ST3GAL3: variants seen among roughly 807,000 people sequenced by gnomAD.
ST3GAL3 encodes the protein ST3 beta-galactoside alpha-2,3-sialyltransferase 3.
In ST3GAL3, 21 loss-of-function variants were observed where a neutral mutation model predicts 50.1. That is an observed-to-expected ratio of 0.42 (90% CI 0.30 to 0.60). ST3GAL3 has a LOEUF of 0.60. Ranked by LOEUF, ST3GAL3 falls within the 20% of genes least tolerant of loss-of-function variation. The pLI is 0.19. For missense variants in ST3GAL3, 353 were observed against 489.4 expected (o/e 0.72, Z 2.63); for synonymous variants, 183 against 190.0 (o/e 0.96, Z 0.30).
At chr1:43,833,554 G>A (rs1447951640) in intron 4 of ST3GAL3, among the ~76,000 whole-genome samples, 1 of 152,054 alleles carries the variant, frequency 6.6e-6, no homozygotes, top group African/African-American at 2.4e-5. Context: ...GTAAGTACTA[G>A]TATAATCCCA....
chr1:43,884,879 T>C (rs1161437913), intron 5 of ST3GAL3, among the ~76,000 whole-genome samples: 2 of 152,200 alleles, frequency 1.3e-5, no homozygotes, highest in East Asian at 3.9e-4. Flanking sequence ...CCTCTTTCAG[T>C]TGGGTTGGTA....
intron 1 of ST3GAL3, among the ~76,000 whole-genome samples, chr1:43,715,138 T>C (rs184689335): frequency 2.6e-5 from 4 of 152,334 alleles, no homozygotes; most frequent in East Asian, 3.9e-4. Context: ...ATTTAAAGAA[T>C]GTAGCAGTTG....
chr1:43,878,335 A>G (rs1263159263), intron 5 of ST3GAL3, among the ~76,000 whole-genome samples: 2 of 152,232 alleles, frequency 1.3e-5, no homozygotes, highest in African/African-American at 4.8e-5. Flanking sequence ...AAACACAAGC[A>G]ATAAACAACT....
At chr1:43,747,726 G>A (rs904001528) in intron 2 of ST3GAL3, among the ~76,000 whole-genome samples, 23 of 151,370 alleles carry the variant, frequency 1.5e-4, no homozygotes, top group Non-Finnish European at 1.5e-4. Context: ...GATTACAGGC[G>A]CCCACCACCA....
intron 5 of ST3GAL3, among the ~76,000 whole-genome samples, chr1:43,870,759 G>T (rs966021936): frequency 2.6e-5 from 4 of 152,102 alleles, no homozygotes; most frequent in Non-Finnish European, 4.4e-5. Flanking sequence ...GAAGCTAGGG[G>T]GAGACATGGC....
chr1:43,805,054 A>G (rs968532393), intron 3 of ST3GAL3, among the ~76,000 whole-genome samples: 5 of 152,220 alleles, frequency 3.3e-5, no homozygotes, highest in Non-Finnish European at 7.3e-5. Flanking sequence ...ATGAGAACCC[A>G]AATACATGTA....
At chr1:43,764,762 G>C (rs905358048) in intron 2 of ST3GAL3, among the ~76,000 whole-genome samples, 2 of 152,238 alleles carry the variant, frequency 1.3e-5, no homozygotes, top group Non-Finnish European at 2.9e-5. Flanking sequence ...CCAGGAAGGG[G>C]CATGGCCGTG....
At chr1:43,729,696 T>A (rs766288142) in intron 1 of ST3GAL3, among the ~76,000 whole-genome samples, 6 of 152,218 alleles carry the variant, frequency 3.9e-5, no homozygotes, top group Non-Finnish European at 7.3e-5. Flanking sequence ...TATGGATGCA[T>A]AGTACCTATT....
At chr1:43,729,089 CTT>C (rs71914132) in intron 1 of ST3GAL3, among the ~76,000 whole-genome samples, 37 of 117,432 alleles carry the variant, frequency 3.2e-4, no homozygotes, top group Admixed American at 6.2e-4. Flanking sequence ...AATTATTTTT[CTT>C]TTTTTTTTTT....
At chr1:43,894,777 G>A (rs990220577) in intron 6 of ST3GAL3, among the ~76,000 whole-genome samples, 3 of 151,804 alleles carry the variant, frequency 2.0e-5, no homozygotes, top group African/African-American at 7.3e-5. Context: ...CCATAGGCAC[G>A]CACCACCATG....
chr1:43,914,621 TA>T (rs1332757150), intron 9 of ST3GAL3: 1 of 152,210 alleles, frequency 6.6e-6, no homozygotes, highest in East Asian at 1.9e-4. Flanking sequence ...AAAGAGATAA[TA>T]AAGTAACAGT....
intron 1 of ST3GAL3, among the ~76,000 whole-genome samples, chr1:43,718,159 C>T (rs1297559292): frequency 2.6e-5 from 4 of 151,454 alleles, no homozygotes; most frequent in Admixed American, 2.6e-4. Flanking sequence ...AGGCGTGAAC[C>T]ACCACGCCCG....
At chr1:43,817,770 TCTTCTCCTCCTTCTTCTCCTCCTC>T in intron 4 of ST3GAL3, among the ~76,000 whole-genome samples, 2 of 37,754 alleles carry the variant, frequency 5.3e-5, no homozygotes, top group African/African-American at 1.3e-4. Flanking sequence ...TTCCTCTTCT[TCTTCTCCTCCTTCTTCTCCTCCTC>T]CTTCTCCTCC....
chr1:43,762,802 C>G (rs1691040595), intron 2 of ST3GAL3, among the ~76,000 whole-genome samples: 1 of 152,012 alleles, frequency 6.6e-6, no homozygotes, highest in African/African-American at 2.4e-5. Flanking sequence ...GTGGGTGAGA[C>G]TGCTGGGGAG....
chr1:43,873,933 T>C (rs1429371134), intron 5 of ST3GAL3, among the ~76,000 whole-genome samples: 2 of 152,074 alleles, frequency 1.3e-5, no homozygotes, highest in African/African-American at 4.8e-5. Context: ...GGAGAGAAGC[T>C]GGGACTGAGC....
intron 2 of ST3GAL3, among the ~76,000 whole-genome samples, chr1:43,757,684 A>C (rs1279777938): frequency 6.6e-6 from 1 of 152,234 alleles, no homozygotes. Context: ...TAAGACTAAA[A>C]AACGCATAGA....
chr1:43,899,272 C>A lies in ST3GAL3; in HGVS notation c.557+9C>A, dbSNP rs931771777. 1.2e-6 allele frequency: 2 copies of A among 1,614,076 alleles called. No homozygotes were observed. The highest frequency in any genetic ancestry group is 2.7e-5 in the African/African-American group (2 of 74,934). ...TATGACATTGTGGTGAGGTGAGCTCCCCAAAATGGCACCTCGGGTGAGTGT... is the reference window on the plus strand; with the variant it reads ...TATGACATTGTGGTGAGGTGAGCTCACCAAAATGGCACCTCGGGTGAGTGT... On this transcript the variant is annotated intron_variant, in intron 8 of 11. Coordinates refer to ENST00000347631, the MANE Select transcript of ST3GAL3 (RefSeq NM_006279.5). This position sits in a 1 kb window ranked among gnomAD's most constrained non-coding sequence, Gnocchi z 5.4.
intron 3 of ST3GAL3, among the ~76,000 whole-genome samples, chr1:43,814,329 TAAA>T (rs2060979532): frequency 6.6e-6 from 1 of 152,246 alleles, no homozygotes; most frequent in Non-Finnish European, 1.5e-5. Flanking sequence ...AGAACTTAAA[TAAA>T]TTACAATACT....
intron 2 of ST3GAL3, among the ~76,000 whole-genome samples, chr1:43,763,111 G>A (rs910195243): frequency 1.3e-5 from 2 of 152,140 alleles, no homozygotes; most frequent in Admixed American, 1.3e-4. Flanking sequence ...TTGCAGCATT[G>A]TTTTTAATAG....
Sources: gnomAD v4.1 joint callset for allele counts (sites outside exome capture counted in the v4.1 genomes callset) on GRCh38, gnomAD v4.1.1 for gene constraint, Gnocchi (gnomAD v3.1) non-coding constraint, MANE v1.5 for transcripts, NCBI Gene and HGNC (gene_info 2026-07-23, HGNC 2026-07-21) for gene names.